Variants in HERC2 observed in about 807,000 individuals in gnomAD.
The protein encoded by HERC2 is HECT and RLD domain containing E3 ubiquitin protein ligase 2, also known as E3 ubiquitin-protein ligase HERC2.
HERC2 carries 102 observed loss-of-function variants against 537.7 expected under a neutral mutation model. That is an observed-to-expected ratio of 0.19 (90% confidence interval 0.16 to 0.22). The LOEUF is 0.22. HERC2 is among the 10% of genes least tolerant of loss of function. The probability of loss-of-function intolerance (pLI) is 1.00; values close to 1 mark genes in which losing one functional copy is unlikely to be tolerated. For synonymous variants in HERC2, 2,224 were observed against 2,466.2 expected (o/e 0.90, Z 2.91); for missense variants, 4,236 against 6,198.2 (o/e 0.68, Z 10.63).
At chr15:28,271,922 A>G (rs2140994343) in intron 9 of HERC2, 2 of 432,994 alleles carry the variant, frequency 4.6e-6, no homozygotes, top group African/African-American at 4.0e-5. Flanking sequence ...AGCCCAGTAC[A>G]TAGGAAGGAC....
chr15:28,260,120 G>A (rs556695806), intron 16 of HERC2, among the ~76,000 whole-genome samples: 2 of 151,222 alleles, frequency 1.3e-5, no homozygotes, highest in African/African-American at 4.9e-5. Flanking sequence ...CAGGCAGATC[G>A]CTAGAGCTCA....
intron 44 of HERC2, among the ~76,000 whole-genome samples, chr15:28,210,240 T>C (rs1440266493): frequency 6.6e-6 from 1 of 152,114 alleles, no homozygotes; most frequent in Non-Finnish European, 1.5e-5. Flanking sequence ...TTCATGCCAT[T>C]CTCCTGCGTC....
Position 28,168,594 on chromosome 15 carries a change from T to A in HERC2, c.10230-4A>T. 1.9e-6 allele frequency: 3 copies of A among 1,612,732 alleles called. No homozygotes were observed. Among genetic ancestry groups the A allele is most frequent in the Non-Finnish European group, 2.5e-6 (3 of 1,179,288 alleles). ...CAGGGCCCCGACAACAGCATCTCTG[T>A]CAGGACACAAAGCCAGGCCTGTGGT... On this transcript the variant is annotated splice_polypyrimidine_tract_variant and splice_region_variant and intron_variant, in intron 66 of 92. Coordinates refer to ENST00000261609, the MANE Select transcript of HERC2 (RefSeq NM_004667.6).
chr15:28,294,096 C>G (rs2076395580), intron 3 of HERC2, among the ~76,000 whole-genome samples: 1 of 152,242 alleles, frequency 6.6e-6, no homozygotes, highest in Non-Finnish European at 1.5e-5. Flanking sequence ...TACAACATTT[C>G]TGACACCAAA....
intron 55 of HERC2, among the ~76,000 whole-genome samples, chr15:28,188,538 C>T (rs1015365880): frequency 5.1e-5 from 7 of 138,166 alleles, no homozygotes; most frequent in Admixed American, 1.4e-4. Flanking sequence ...AGTGAGACTC[C>T]GTCTTAAAAA....
At position 28,177,592 on chromosome 15, in the gene HERC2, C is replaced by T; in HGVS notation, c.9164-83G>A. 8.6e-7 allele frequency: 1 copy of T among 1,166,510 alleles called. No homozygotes were observed. The highest frequency in any genetic ancestry group is 1.2e-5 in the South Asian group (1 of 81,630). 72.3% of individuals were successfully genotyped at this position (1,166,510 alleles called of 1,614,324 possible). The stretch of plus-strand genomic sequence containing the variant: ...ATAGCTAGCTCCCTATTTTGCCTGG[C>T]ATATAGCACACACTCAATGAGCGTG... On this transcript the variant is annotated intron_variant, in intron 59 of 92. Transcript: ENST00000261609. This position sits in a 1 kb window ranked among gnomAD's most constrained non-coding sequence, Gnocchi z 5.0.
At chr15:28,279,865 G>A (rs539820679) in intron 5 of HERC2, among the ~76,000 whole-genome samples, 1 of 152,252 alleles carries the variant, frequency 6.6e-6, no homozygotes, top group South Asian at 2.1e-4. Context: ...TAATGGCACA[G>A]ATTACACAGC....
Position 28,191,970 on chromosome 15 carries a change from C to G in HERC2, c.8442G>C (p.Ser2814=). The G allele has an allele frequency of 6.2e-7, 1 of 1,613,080 alleles. No individual in the cohort carries two copies. ...GSEPCWQSSG[S]QGKHWIRLEI... ...CCCTATTAGATGCTACCTTTCCTTG[C>G]GACCCCGATGACTGCCAGCAGGGCT... The change falls in exon 53 of 93, where the codon TCG becomes TCC. Residue 2814 remains serine (S), a synonymous_variant. Coordinates refer to ENST00000261609, the MANE Select transcript of HERC2 (RefSeq NM_004667.6).
intron 69 of HERC2, among the ~76,000 whole-genome samples, chr15:28,154,311 A>G (rs1024078104): frequency 1.3e-5 from 2 of 152,202 alleles, no homozygotes; most frequent in Non-Finnish European, 2.9e-5. Context: ...AACTAATATC[A>G]TTGTCACATA....
intron 4 of HERC2, among the ~76,000 whole-genome samples, chr15:28,282,864 G>A (rs1027343428): frequency 3.3e-5 from 5 of 151,748 alleles, no homozygotes; most frequent in Admixed American, 1.3e-4. Flanking sequence ...CTAGGGAGGC[G>A]GCGGTTGCAG....
chr15:28,242,459 T>C (rs1210973235), intron 23 of HERC2, among the ~76,000 whole-genome samples: 1 of 152,234 alleles, frequency 6.6e-6, no homozygotes, highest in African/African-American at 2.4e-5. Context: ...TAACGTTCTC[T>C]GGTGGATAGA....
chr15:28,199,469 T>G (rs1897685580), intron 48 of HERC2, among the ~76,000 whole-genome samples: 1 of 152,218 alleles, frequency 6.6e-6, no homozygotes, highest in Non-Finnish European at 1.5e-5. Flanking sequence ...TGCATCATTC[T>G]GAAAACTGAT....
rs549933408 is a variant in HERC2 at position 28,306,945 on chromosome 15, G to A, written c.73-7429C>T. 7.2e-5 allele frequency among the ~76,000 whole-genome samples: 11 copies of A among 152,206 alleles called. No individual in the cohort carries two copies. The East Asian group carries it at 7.7e-4, about 11-fold the overall frequency. On this transcript the variant is annotated intron_variant, in intron 2 of 92. Coordinates refer to ENST00000261609, the MANE Select transcript of HERC2 (RefSeq NM_004667.6). ...CACCTCCCAGGCTCAAGTGATTCTC[G>A]TGCCTCAGCCTTCCAAGTGGCTGGA...
intron 50 of HERC2, among the ~76,000 whole-genome samples, chr15:28,197,652 T>C (rs533710399): frequency 6.6e-6 from 1 of 152,298 alleles, no homozygotes; most frequent in South Asian, 2.1e-4. Context: ...CTCTGGAGGC[T>C]GAGACTGGAG....
At chr15:28,130,641 G>T in intron 81 of HERC2, 47 bp from the exon 82 acceptor site, 1 of 1,280,220 alleles carries the variant, frequency 7.8e-7, no homozygotes, top group Non-Finnish European at 1.1e-6. Flanking sequence ...CAAGGCTCCT[G>T]CTGACTGCTA....
Position 28,177,212 on chromosome 15 carries a change from T to C in HERC2, c.9255-85A>G, listed in dbSNP as rs1895371703. On this transcript the variant is annotated intron_variant, in intron 60 of 92. Transcript: ENST00000261609. The surrounding 1 kb of genome is among the most constrained non-coding windows in gnomAD (Gnocchi z 5.0). ...AAAAAGACATCTATACTGATCCACA[T>C]GTAGTCAACACAGGATCCACAGATC... 2 of 1,366,754 alleles carry C rather than the reference T, an allele frequency of 1.5e-6. No individual in the cohort carries two copies. The highest frequency in any genetic ancestry group is 2.0e-6 in the Non-Finnish European group (2 of 989,842). The allele number at this position is 1,366,754 out of a possible 1,614,324, so 84.7% of individuals were successfully genotyped here. A position where few individuals can be genotyped will look rare whatever the true frequency, so the allele number is the denominator to read the frequency against.
At chr15:28,298,805 A>G in intron 3 of HERC2, among the ~76,000 whole-genome samples, 1 of 152,128 alleles carries the variant, frequency 6.6e-6, no homozygotes, top group Middle Eastern at 3.4e-3. Context: ...CCCCCAAAAA[A>G]AAGAAGAAGA....
chr15:28,277,734 T>C (rs557318759), intron 5 of HERC2, among the ~76,000 whole-genome samples: 2 of 152,274 alleles, frequency 1.3e-5, no homozygotes, highest in South Asian at 4.1e-4. Flanking sequence ...GAAAGAACCA[T>C]GGCACTCCTA....
intron 25 of HERC2, among the ~76,000 whole-genome samples, chr15:28,237,877 T>C (rs561902662): frequency 1.3e-5 from 2 of 152,232 alleles, no homozygotes; most frequent in Non-Finnish European, 2.9e-5. Flanking sequence ...ACACTGTCTA[T>C]ATTTCTCACA....
Sources: allele counts gnomAD v4.1 joint callset (sites outside exome capture counted in the v4.1 genomes callset), GRCh38; gene constraint gnomAD v4.1.1; non-coding constraint Gnocchi (gnomAD v3.1); transcripts MANE v1.5; gene names NCBI Gene and HGNC (gene_info 2026-07-23, HGNC 2026-07-21).